CATSPER3: variants seen among roughly 807,000 people sequenced by gnomAD.
The protein encoded by CATSPER3 is cation channel sperm-associated protein 3.
CATSPER3 carries 23 observed loss-of-function variants against 36.6 expected under a neutral mutation model. The observed-to-expected ratio is 0.63, with a 90% CI of 0.45 to 0.89. The LOEUF (loss-of-function observed/expected upper bound fraction) is 0.89. CATSPER3 is among the 40% of genes least tolerant of loss of function. The pLI, the probability that CATSPER3 is intolerant of heterozygous loss-of-function variation, is 0.00. For missense variants in CATSPER3, 474 were observed against 503.9 expected (o/e 0.94, Z 0.57); for synonymous variants, 172 against 184.1 (o/e 0.93, Z 0.53).
rs749881935 is a variant in CATSPER3, at chr5:134,996,510, C to G, written c.490C>G (p.Arg164Gly). 1 of 1,613,918 alleles carries G rather than the reference C, an allele frequency of 6.2e-7. No homozygotes were observed. The highest frequency in any genetic ancestry group is 8.5e-7 in the Non-Finnish European group (1 of 1,180,000). Residue 164 changes from arginine to glycine, a missense_variant and splice_region_variant, in exon 3 of 8, where the codon CGG (arginine) becomes GGG (glycine). Transcript: ENST00000282611. The part of the protein sequence containing the change: ...LKLIGYSQGI[R>G]TLITAVGQTV... ...GCTTATCGGCTATAGCCAGGGCATC[C>G]GGGTGAGTGCACTGGGGGTGTCATG... is the stretch of plus-strand genomic sequence containing the variant.
intron 2 of CATSPER3, among the ~76,000 whole-genome samples, chr5:134,979,343 C>G (rs993508591): frequency 6.6e-6 from 1 of 152,096 alleles, no homozygotes; most frequent in African/African-American, 2.4e-5. Flanking sequence ...CGCTATGCTG[C>G]CCAGGCTGGT....
At position 134,969,956 on chromosome 5, in the gene CATSPER3, G is replaced by A. The variant is rs116119095; in HGVS notation, c.116G>A (p.Cys39Tyr). 8.7e-4 allele frequency: 1,406 copies of A among 1,614,096 alleles called. 16 individuals carry two copies. In the African/African-American group the frequency reaches 0.016, roughly 19 times the overall value. Reference protein sequence around the residue: ...FKKFKRNDDECRAFVKRVIMS... With the variant: ...FKKFKRNDDEYRAFVKRVIMS... ...TTTGACAGGAGGAACGATGATGAAT[G>A]TCGGGCATTTGTGAAGAGAGTCATA... Residue 39 changes from cysteine to tyrosine, a missense_variant, in exon 2 of 8, where the codon TGT (cysteine) becomes TAT (tyrosine). Transcript: ENST00000282611.
chr5:134,981,689 C>A (rs1041642464), intron 2 of CATSPER3, among the ~76,000 whole-genome samples: 1 of 152,132 alleles, frequency 6.6e-6, no homozygotes, highest in Non-Finnish European at 1.5e-5. Context: ...TCCAAACTTA[C>A]CACGTTGCAA....
rs759864455 is a variant in CATSPER3 at position 135,008,960 on chromosome 5, T to A, written c.795T>A (p.Gly265=). 1 of 1,613,810 alleles carries A rather than the reference T, an allele frequency of 6.2e-7. No homozygotes were observed. Reference sequence around the variant, plus strand: ...TCATCTTCCTCAACATGTTCGTGGGTGTGATGATCATGCACACAGAGGTGA... The same window carrying A: ...TCATCTTCCTCAACATGTTCGTGGGAGTGATGATCATGCACACAGAGGTGA... The part of the protein sequence containing the change: ...ASFIFLNMFV[G]VMIMHTEDSI... Residue 265 remains glycine (G), a synonymous_variant, in exon 5 of 8, where the codon GGT becomes GGA. Coordinates refer to ENST00000282611, the MANE Select transcript of CATSPER3 (RefSeq NM_178019.3).
chr5:134,969,577 G>C, intron 1 of CATSPER3: 1 of 308,928 alleles, frequency 3.2e-6, no homozygotes, highest in Non-Finnish European at 6.2e-6. Flanking sequence ...GCAATATTTA[G>C]TCTTGCTGTC....
intron 3 of CATSPER3, among the ~76,000 whole-genome samples, chr5:134,998,985 T>C (rs1751987778): frequency 6.6e-6 from 1 of 152,234 alleles, no homozygotes; most frequent in Non-Finnish European, 1.5e-5. Context: ...ATGAAGTCCT[T>C]GCCATGCCTA....
intron 3 of CATSPER3, among the ~76,000 whole-genome samples, chr5:134,997,982 T>C (rs1162838018): frequency 6.6e-6 from 1 of 152,240 alleles, no homozygotes; most frequent in East Asian, 1.9e-4. Flanking sequence ...TGCAGGTTTG[T>C]TACATATGTA....
At chr5:134,978,048 T>C (rs903509969) in intron 2 of CATSPER3, among the ~76,000 whole-genome samples, 1 of 152,192 alleles carries the variant, frequency 6.6e-6, no homozygotes, top group Non-Finnish European at 1.5e-5. Context: ...AGTCAACTCC[T>C]GCTGGGCCCC....
At chr5:134,979,606 G>C (rs1166273040) in intron 2 of CATSPER3, among the ~76,000 whole-genome samples, 1 of 152,138 alleles carries the variant, frequency 6.6e-6, no homozygotes, top group East Asian at 1.9e-4. Flanking sequence ...ATTGCTGCCT[G>C]GGGCAAAAAA....
At chr5:134,987,140 C>T (rs1389443641) in intron 2 of CATSPER3, among the ~76,000 whole-genome samples, 1 of 152,110 alleles carries the variant, frequency 6.6e-6, no homozygotes, top group African/African-American at 2.4e-5. Flanking sequence ...GAAAATAAGA[C>T]TCAAATTACT....
Position 134,968,111 on chromosome 5 carries a change from T to C in CATSPER3, c.98+22T>C, listed in dbSNP as rs138763648. On this transcript the variant is annotated intron_variant, in intron 1 of 7. Coordinates refer to ENST00000282611, the MANE Select transcript of CATSPER3 (RefSeq NM_178019.3). ...TTAAGTAAATATTATCTATCTCCAT[T>C]GCCTGTTAAGAAATGTGCTAGTAGA... is the stretch of plus-strand genomic sequence containing the variant. 1,395 of 1,514,896 alleles carry C rather than the reference T, an allele frequency of 9.2e-4. 7 individuals carry two copies. The African/African-American group carries it at 0.016, about 18-fold the overall frequency. The allele number at this position is 1,514,896 out of a possible 1,614,324, so 93.8% of individuals were successfully genotyped here. A position where few individuals can be genotyped will look rare whatever the true frequency, so the allele number is the denominator to read the frequency against.
At chr5:134,980,188 C>T (rs533896474) in intron 2 of CATSPER3, among the ~76,000 whole-genome samples, 1 of 151,974 alleles carries the variant, frequency 6.6e-6, no homozygotes, top group South Asian at 2.1e-4. Flanking sequence ...CACTATGTTG[C>T]CTAGGCTGGC....
At chr5:134,969,550 T>C (rs1253021784) in intron 1 of CATSPER3, 1 of 274,688 alleles carries the variant, frequency 3.6e-6, no homozygotes, top group African/African-American at 2.2e-5. Flanking sequence ...TGATTATCAG[T>C]TTTGCTTAGT....
chr5:135,011,077 G>T (rs1752175029), intron 7 of CATSPER3, among the ~76,000 whole-genome samples: 1 of 152,208 alleles, frequency 6.6e-6, no homozygotes. Context: ...CTGGCTGTGG[G>T]CATCAGGAGC....
intron 2 of CATSPER3, among the ~76,000 whole-genome samples, chr5:134,994,023 G>A (rs539682513): frequency 8.5e-5 from 13 of 152,342 alleles, no homozygotes; most frequent in East Asian, 7.7e-4. Context: ...TACCTGGGAA[G>A]CTGAGGCAGG....
At chr5:134,996,212 G>A in intron 2 of CATSPER3, 61 bp from the exon 3 acceptor site, 1 of 1,612,416 alleles carries the variant, frequency 6.2e-7, no homozygotes. Context: ...GCAGGGAGCA[G>A]GCCAGAGCTC....
chr5:135,009,530 G>A, intron 6 of CATSPER3, 40 bp downstream of exon 6: 1 of 1,604,666 alleles, frequency 6.2e-7, no homozygotes, highest in Non-Finnish European at 8.5e-7. Flanking sequence ...ATGGGTGGAT[G>A]GATCGTCAGG....
rs1285310583 is a variant in CATSPER3 at position 135,007,974 on chromosome 5, G to C, written c.510G>C (p.Val170=). ...SQGIRTLITA[V]GQTVYTVASV... The stretch of plus-strand genomic sequence containing the variant: ...CCTTGCAGACGCTGATCACCGCCGT[G>C]GGGCAGACAGTCTACACCGTGGCCT... Residue 170 remains valine, a synonymous_variant, in exon 4 of 8, where the codon GTG becomes GTC. Coordinates refer to ENST00000282611, the MANE Select transcript of CATSPER3 (RefSeq NM_178019.3). 1 of 1,614,036 alleles carries C rather than the reference G, an allele frequency of 6.2e-7. No individual in the cohort carries two copies. Among genetic ancestry groups the C allele is most frequent in the East Asian group, 2.2e-5 (1 of 44,878 alleles).
intron 3 of CATSPER3, among the ~76,000 whole-genome samples, chr5:134,998,754 T>C (rs532412184): frequency 6.8e-4 from 103 of 152,324 alleles, no homozygotes; most frequent in African/African-American, 2.5e-3. Flanking sequence ...TTGCCCACTT[T>C]TTGATGGGGT....
Sources: allele counts gnomAD v4.1 joint callset (sites outside exome capture counted in the v4.1 genomes callset), GRCh38; gene constraint gnomAD v4.1.1; transcripts MANE v1.5; gene names NCBI Gene and HGNC (gene_info 2026-07-23, HGNC 2026-07-21).